The following GTF3C3 variants were observed in gnomAD, a reference collection of about 807,000 sequenced individuals.
GTF3C3 encodes general transcription factor IIIC subunit 3.
A neutral mutation model predicts 105.2 loss-of-function variants in GTF3C3; 75 were observed. The observed-to-expected ratio is 0.71, with a 90% CI of 0.59 to 0.86. The LOEUF is 0.86. GTF3C3 is among the 40% of genes least tolerant of loss of function. GTF3C3 has a pLI of 0.00. For missense variants in GTF3C3, 856 were observed against 1,076.5 expected, an observed-to-expected ratio of 0.80 and a Z score of 2.87; for synonymous variants, 335 against 370.4, an observed-to-expected ratio of 0.90 and a Z score of 1.10.
intron 17 of GTF3C3, 111 bp downstream of exon 17, chr2:196,766,454 G>C: frequency 2.5e-6 from 2 of 795,578 alleles, no homozygotes; most frequent in Non-Finnish European, 4.0e-6. Flanking sequence ...TACTGAATAA[G>C]AGAAAATACA....
rs1444992346 is a variant in GTF3C3, at chr2:196,763,445, G to GAAAC, written c.*1114_*1117dup. On this transcript the variant is annotated 3_prime_UTR_variant, in exon 18 of 18. Transcript: ENST00000263956. ...GGCATAAAGTAAAAATTAAGCATGT[G>GAAAC]AAACAGTTAACCTCAATTATAAAAA... The GAAAC allele has an allele frequency of 2.0e-5, 3 of 152,120 alleles. No individual in the cohort carries two copies. The highest frequency in any genetic ancestry group is 4.1e-4 in the South Asian group (2 of 4,826). The allele number at this position is 152,120 out of a possible 1,614,324, so 9.4% of individuals were successfully genotyped here.
In GTF3C3 at chr2:196,791,452, C is replaced by A; in HGVS notation, c.420G>T (p.Arg140Ser). ...GAGCTCTGGGAAGTTTACTCCGAGG[C>A]CTTTTCTCCTGTATGGAAGAAAAAT... The part of the protein sequence containing the change: ...RETKKMMKEK[R>S]PRSKLPRALR... Residue 140 changes from arginine to serine, a missense_variant, in exon 4 of 18, where the codon AGG becomes AGT. Arg to Ser is a moderately radical substitution (Grantham distance 110, BLOSUM62 -1). Coordinates refer to ENST00000263956, the MANE Select transcript of GTF3C3 (RefSeq NM_012086.5). The A allele has an allele frequency of 1.9e-6, 3 of 1,612,884 alleles. No individual in the cohort carries two copies. The highest frequency in any genetic ancestry group is 1.1e-5 in the South Asian group (1 of 90,992).
At chr2:196,766,152 AAC>A (rs1699063602) in intron 17 of GTF3C3, among the ~76,000 whole-genome samples, 1 of 152,240 alleles carries the variant, frequency 6.6e-6, no homozygotes, top group African/African-American at 2.4e-5. Flanking sequence ...TCAGACTTTA[AAC>A]ACAGATCATC....
rs1699546420 is a variant in GTF3C3 at position 196,791,396 on chromosome 2, C to T, written c.476G>A (p.Arg159His). The change falls in exon 4 of 18, where the codon CGT (arginine) becomes CAT (histidine). Residue 159 changes from arginine (R) to histidine (H), a missense_variant. Around this residue, in one of 3 missense-constraint regions of GTF3C3, gnomAD observed 605 missense variants for 833.6 expected, o/e 0.73. Coordinates refer to ENST00000263956, the MANE Select transcript of GTF3C3 (RefSeq NM_012086.5). ...LRGLMGEANI[R>H]FARGEREEAI... ...CTCTTCACGTTCTCCTCGAGCAAAACGAATGTTGGCTTCACCCATGAGACC... is the reference window on the plus strand; with the variant it reads ...CTCTTCACGTTCTCCTCGAGCAAAATGAATGTTGGCTTCACCCATGAGACC... 1.2e-6 allele frequency: 2 copies of T among 1,613,972 alleles called. No individual in the cohort carries two copies. The highest frequency in any genetic ancestry group is 8.5e-7 in the Non-Finnish European group (1 of 1,179,902).
At chr2:196,791,139 T>G (rs764938627) in intron 4 of GTF3C3, among the ~76,000 whole-genome samples, 198 bp downstream of exon 4, 4 of 152,154 alleles carry the variant, frequency 2.6e-5, no homozygotes, top group African/African-American at 4.8e-5. Context: ...AACAGTGAAA[T>G]TCAACAAATA....
At chr2:196,798,796 AGGTTGCAGTGAGCC>A (rs1699694898) in intron 1 of GTF3C3, among the ~76,000 whole-genome samples, 1 of 137,728 alleles carries the variant, frequency 7.3e-6, no homozygotes, top group Non-Finnish European at 1.5e-5. Flanking sequence ...CAGAAGGCCG[AGGTTGCAGTGAGCC>A]GAGATCGTGC....
chr2:196,789,832 T>C (rs750388427), intron 5 of GTF3C3, 47 bp downstream of exon 5: 1 of 1,185,070 alleles, frequency 8.4e-7, no homozygotes, highest in South Asian at 1.6e-5. Context: ...AAAAAACCTA[T>C]TATGTAACAG....
intron 9 of GTF3C3, among the ~76,000 whole-genome samples, chr2:196,779,821 G>T (rs1470327068): frequency 6.6e-6 from 1 of 152,098 alleles, no homozygotes; most frequent in East Asian, 1.9e-4. Context: ...TGGCACTACA[G>T]GTGTGCGCCA....
chr2:196,770,233 C>T (rs1438322440), intron 15 of GTF3C3, among the ~76,000 whole-genome samples, 194 bp from the exon 16 acceptor site: 2 of 152,172 alleles, frequency 1.3e-5, no homozygotes, highest in Non-Finnish European at 1.5e-5. Context: ...TGAATGTATG[C>T]TGACCATGAA....
rs760368207 is a variant in GTF3C3, at chr2:196,786,212, C to CT, written c.894-625dup. 1.3e-5 allele frequency among the ~76,000 whole-genome samples: 2 copies of CT among 152,180 alleles called. No individual in the cohort carries two copies. The highest frequency in any genetic ancestry group is 4.1e-4 in the South Asian group (2 of 4,828). On this transcript the variant is annotated intron_variant, in intron 6 of 17. Coordinates refer to ENST00000263956, the MANE Select transcript of GTF3C3 (RefSeq NM_012086.5). This position sits in a 1 kb window ranked among gnomAD's most constrained non-coding sequence, Gnocchi z 4.2. ...AAACCTAAATAAGCCTATGGACCAA[C>CT]TGGCTATCTTGTAAAAACGCATATT...
intron 16 of GTF3C3, among the ~76,000 whole-genome samples, chr2:196,769,105 A>G (rs966922928): frequency 1.3e-5 from 2 of 152,304 alleles, no homozygotes; most frequent in Admixed American, 6.5e-5. Flanking sequence ...AGGATTTTTA[A>G]AAAACTTATT....
At chr2:196,769,402 A>G (rs1699129904) in intron 16 of GTF3C3, among the ~76,000 whole-genome samples, 3 of 152,230 alleles carry the variant, frequency 2.0e-5, no homozygotes, top group African/African-American at 7.2e-5. Context: ...AGTAGTGAAC[A>G]ATATTTCTGA....
Position 196,771,840 on chromosome 2 carries a change from A to T in GTF3C3, c.2168T>A (p.Leu723His). Reference protein sequence around the residue: ...SQDVRHHRFCLRLMLKNPENH... With the variant: ...SQDVRHHRFCHRLMLKNPENH... The stretch of plus-strand genomic sequence containing the variant: ...TTCTGGGTTTTTCAGCATCAAACGG[A>T]GACAGAAGCGATGATGTCGTACATC... The change falls in exon 15 of 18, where the codon CTC becomes CAC. Residue 723 changes from leucine to histidine, a missense_variant. By Grantham distance (99) the Leu-to-His change is moderately conservative. This residue lies in a region of GTF3C3 where 605 missense variants were observed against 833.6 expected (regional missense o/e 0.73). Transcript: ENST00000263956. 1 of 1,612,056 alleles carries T rather than the reference A, an allele frequency of 6.2e-7. No individual in the cohort carries two copies. The highest frequency in any genetic ancestry group is 8.5e-7 in the Non-Finnish European group (1 of 1,178,062).
At position 196,792,985 on chromosome 2, in the gene GTF3C3, G is replaced by A. The variant is rs1209229447; in HGVS notation, c.382C>T (p.Leu128Phe). 3 of 1,612,946 alleles carry A rather than the reference G, an allele frequency of 1.9e-6. No individual in the cohort carries two copies. The highest frequency in any genetic ancestry group is 2.5e-6 in the Non-Finnish European group (3 of 1,179,332). Residue 128 changes from leucine to phenylalanine, a missense_variant, in exon 3 of 18, where the codon CTC (leucine) becomes TTC (phenylalanine). Leu to Phe is a conservative substitution (Grantham distance 22). Coordinates refer to ENST00000263956, the MANE Select transcript of GTF3C3 (RefSeq NM_012086.5). The part of the protein sequence containing the change: ...AGDVFVLEMV[L>F]NRETKKMMKE... ...ATCATTTTCTTGGTTTCACGATTGAGAACCATCTCCAATACAAATACATCG... is the reference window on the plus strand; with the variant it reads ...ATCATTTTCTTGGTTTCACGATTGAAAACCATCTCCAATACAAATACATCG...
chr2:196,778,848 T>C, intron 10 of GTF3C3, 48 bp downstream of exon 10: 3 of 1,519,274 alleles, frequency 2.0e-6, no homozygotes, highest in South Asian at 1.1e-5. Context: ...AGTAAGTTCT[T>C]GGCTGCTTAT....
At chr2:196,779,617 C>T (rs1219963070) in intron 9 of GTF3C3, among the ~76,000 whole-genome samples, 8 of 152,194 alleles carry the variant, frequency 5.3e-5, no homozygotes, top group Admixed American at 3.9e-4. Context: ...ACCAGCACAA[C>T]GTCTTGTGCC....
In GTF3C3 at chr2:196,773,020, A is replaced by G; in HGVS notation, c.1965T>C (p.Tyr655=). ...TTTGCCTGTCATCATAAAATGAGTAATATTCCAATGAGGAATCTACAAGCA... is the reference window on the plus strand; with the variant it reads ...TTTGCCTGTCATCATAAAATGAGTAGTATTCCAATGAGGAATCTACAAGCA... ...AELLVDSSLE[Y]YSFYDDRQKR... is the part of the protein sequence containing the mutation. Residue 655 remains tyrosine (Y), a synonymous_variant, in exon 14 of 18, where the codon TAT becomes TAC. Coordinates refer to ENST00000263956, the MANE Select transcript of GTF3C3 (RefSeq NM_012086.5). The G allele has an allele frequency of 1.2e-6, 2 of 1,612,620 alleles. No individual in the cohort carries two copies. Among genetic ancestry groups the G allele is most frequent in the East Asian group, 4.5e-5 (2 of 44,860 alleles).
At chr2:196,774,926 T>C (rs1234171823) in intron 13 of GTF3C3, 190 bp downstream of exon 13, 1 of 404,052 alleles carries the variant, frequency 2.5e-6, no homozygotes, top group Non-Finnish European at 4.4e-6. Context: ...TTTTTTTTAA[T>C]TTAAAGTATT....
At chr2:196,777,015 A>G (rs1294679638) in intron 10 of GTF3C3, among the ~76,000 whole-genome samples, 2 of 152,210 alleles carry the variant, frequency 1.3e-5, no homozygotes, top group African/African-American at 4.8e-5. Context: ...ACATATATAA[A>G]CCAGAGCACA....
Sources: gnomAD v4.1 joint callset for allele counts (sites outside exome capture counted in the v4.1 genomes callset) on GRCh38, gnomAD v4.1.1 for gene constraint, gnomAD v4.1.1 regional missense constraint, Gnocchi (gnomAD v3.1) non-coding constraint, MANE v1.5 for transcripts, NCBI Gene and HGNC (gene_info 2026-07-23, HGNC 2026-07-21) for gene names.